Variants in PBX4 observed in about 807,000 individuals in gnomAD.
PBX4 encodes the protein pre-B-cell leukemia transcription factor 4.
A neutral mutation model predicts 35.1 loss-of-function variants in PBX4; 26 were observed. That is an observed-to-expected ratio of 0.74 (90% CI 0.54 to 1.03). The LOEUF is 1.03. Ranked by LOEUF, PBX4 falls within the 50% of genes least tolerant of loss-of-function variation. The pLI is 0.00. For synonymous variants in PBX4, 199 were observed against 204.2 expected (o/e 0.97, Z 0.22); for missense variants, 448 against 504.3 (o/e 0.89, Z 1.07).
intron 2 of PBX4, among the ~76,000 whole-genome samples, chr19:19,580,634 G>A (rs898423963): frequency 2.6e-5 from 4 of 152,232 alleles, no homozygotes; most frequent in Non-Finnish European, 5.9e-5. Flanking sequence ...TGCTCACCAG[G>A]AGCCACTTTC....
intron 2 of PBX4, among the ~76,000 whole-genome samples, chr19:19,573,921 G>C (rs1467382414): frequency 2.0e-5 from 3 of 151,976 alleles, no homozygotes; most frequent in African/African-American, 4.8e-5. Flanking sequence ...GTAGAAACAG[G>C]GTTTCACCAT....
At position 19,598,951 on chromosome 19, in the gene PBX4, CTT is replaced by C. The variant is rs1313018911; in HGVS notation, c.193+339_193+340del. 4.5e-5 allele frequency among the ~76,000 whole-genome samples: 6 copies of C among 132,134 alleles called. No homozygotes were observed. In the Admixed American group the frequency reaches 5.2e-4, roughly 11 times the overall value. 86.7% of individuals were successfully genotyped at this position (132,134 alleles called of 152,430 possible). ...TTTTTTTTTGAGACAGAATTTCACT[CTT>C]GTTGCCCAGGCTGGAGTGCAATGGC... On this transcript the variant is annotated intron_variant, in intron 2 of 7. Coordinates refer to ENST00000251203, the MANE Select transcript of PBX4 (RefSeq NM_025245.3).
chr19:19,594,783 G>A (rs1225667481), intron 2 of PBX4, among the ~76,000 whole-genome samples: 3 of 151,970 alleles, frequency 2.0e-5, no homozygotes, highest in African/African-American at 4.8e-5. Context: ...GTGCAGTGGC[G>A]CAATGTCATC....
chr19:19,606,504 T>C (rs2061632108), intron 1 of PBX4: 1 of 152,286 alleles, frequency 6.6e-6, no homozygotes, highest in Admixed American at 6.5e-5. Context: ...CTAGCTAAGC[T>C]GTGCCCAGAA....
At chr19:19,583,281 A>AAAAAC (rs201678612) in intron 2 of PBX4, among the ~76,000 whole-genome samples, 5,144 of 151,098 alleles carry the variant, frequency 0.034, 125 homozygotes, top group East Asian at 0.088. Flanking sequence ...TCCGTCTCAA[A>AAAAAC]AAAACAAAAC....
intron 2 of PBX4, among the ~76,000 whole-genome samples, chr19:19,587,030 A>T (rs1600422199): frequency 6.6e-6 from 1 of 152,172 alleles, no homozygotes; most frequent in South Asian, 2.1e-4. Context: ...TTTGAGACGC[A>T]GTCTCACTCT....
chr19:19,607,506 A>G (rs2061638574), intron 1 of PBX4, among the ~76,000 whole-genome samples: 1 of 152,222 alleles, frequency 6.6e-6, no homozygotes, highest in South Asian at 2.1e-4. Context: ...TCATTTTTAA[A>G]CCAATATTCA....
At chr19:19,584,815 G>GTT (rs1268064686) in intron 2 of PBX4, among the ~76,000 whole-genome samples, 18 of 151,728 alleles carry the variant, frequency 1.2e-4, no homozygotes, top group Non-Finnish European at 1.9e-4. Flanking sequence ...TAGTAGAGAT[G>GTT]GGGTTTCACT....
chr19:19,598,297 C>CAT (rs1555739218), intron 2 of PBX4, among the ~76,000 whole-genome samples: 4 of 129,250 alleles, frequency 3.1e-5, no homozygotes, highest in Admixed American at 1.7e-4. Flanking sequence ...CTTTTCTTTC[C>CAT]TTTTTTTTTT....
chr19:19,592,230 T>G (rs1285908054), intron 2 of PBX4, among the ~76,000 whole-genome samples: 1 of 152,204 alleles, frequency 6.6e-6, no homozygotes, highest in Non-Finnish European at 1.5e-5. Context: ...GCAACATACC[T>G]AGTCCCAGGG....
intron 2 of PBX4, among the ~76,000 whole-genome samples, chr19:19,598,250 G>A (rs1010580239): frequency 1.3e-5 from 2 of 151,614 alleles, no homozygotes; most frequent in Non-Finnish European, 2.9e-5. Flanking sequence ...AAGGAGATAC[G>A]AGAACTCTCT....
At chr19:19,579,218 G>A (rs1291666518) in intron 2 of PBX4, among the ~76,000 whole-genome samples, 4 of 151,984 alleles carry the variant, frequency 2.6e-5, no homozygotes, top group African/African-American at 9.7e-5. Context: ...GCATGGTGGC[G>A]TGTGCCTGTA....
intron 2 of PBX4, among the ~76,000 whole-genome samples, chr19:19,572,778 C>T (rs183998772): frequency 1.4e-5 from 2 of 143,056 alleles, no homozygotes; most frequent in Admixed American, 1.5e-4. Context: ...TGCTTGAACC[C>T]GGGAGACGGA....
Position 19,570,807 on chromosome 19 carries a change from C to A in PBX4, c.220G>T (p.Glu74Ter). 6.2e-7 allele frequency: 1 copy of A among 1,614,074 alleles called. No individual in the cohort carries two copies. The highest frequency in any genetic ancestry group is 8.5e-7 in the Non-Finnish European group (1 of 1,180,038). ...AGGAGCTGGGCGTCAGGGGGATCTT[C>A]GTCTTGAATGCCACGGATGCTTACC... ...TVVSIRGIQD[E>*]DPPDAQLLRL... Residue 74 changes from glutamate to a stop codon, truncating the protein, a stop_gained, in exon 3 of 8, where the codon GAA becomes TAA. Coordinates refer to ENST00000251203, the MANE Select transcript of PBX4 (RefSeq NM_025245.3). LOFTEE classifies it high-confidence loss of function.
At chr19:19,599,262 C>A in intron 2 of PBX4, 30 bp downstream of exon 2, 4 of 1,585,150 alleles carry the variant, frequency 2.5e-6, no homozygotes, top group Non-Finnish European at 3.5e-6. Context: ...CCACCACGCT[C>A]GGCCAGAAAG....
intron 1 of PBX4, among the ~76,000 whole-genome samples, chr19:19,605,448 A>ATAATAATAATAATAG (rs1191020761): frequency 6.8e-6 from 1 of 147,930 alleles, no homozygotes; most frequent in Non-Finnish European, 1.5e-5. Context: ...AATAATAATA[A>ATAATAATAATAATAG]CAATAATAAT....
At chr19:19,607,916 A>G (rs2061640546) in intron 1 of PBX4, among the ~76,000 whole-genome samples, 3 of 152,210 alleles carry the variant, frequency 2.0e-5, no homozygotes, top group Non-Finnish European at 4.4e-5. Context: ...ACCTTAACCA[A>G]GGATAGATCG....
At chr19:19,602,447 C>T (rs1348434088) in intron 1 of PBX4, among the ~76,000 whole-genome samples, 2 of 151,666 alleles carry the variant, frequency 1.3e-5, no homozygotes, top group Non-Finnish European at 2.9e-5. Context: ...GTGTGTTAAT[C>T]ATGTTTTTTT....
intron 5 of PBX4, among the ~76,000 whole-genome samples, chr19:19,566,183 A>G (rs181784086): frequency 3.7e-4 from 56 of 152,258 alleles, no homozygotes; most frequent in African/African-American, 1.3e-3. Flanking sequence ...CTGACTGCAA[A>G]CTGGCACTGG....
Sources: allele counts gnomAD v4.1 joint callset (sites outside exome capture counted in the v4.1 genomes callset), GRCh38; gene constraint gnomAD v4.1.1; transcripts MANE v1.5; gene names NCBI Gene and HGNC (gene_info 2026-07-23, HGNC 2026-07-21).